ZHX2: variants seen among roughly 807,000 people sequenced by gnomAD.
The protein encoded by ZHX2 is zinc fingers and homeoboxes 2.
In ZHX2, 6 loss-of-function variants were observed where a neutral mutation model predicts 21.9. That is an observed-to-expected ratio of 0.27 (90% CI 0.15 to 0.54). ZHX2 has a LOEUF of 0.54. Among genes scored for constraint, ZHX2 ranks in the 20% least tolerant of loss-of-function variants. The pLI, the probability that ZHX2 is intolerant of heterozygous loss-of-function variation, is 0.95. For synonymous variants in ZHX2, 434 were observed against 437.1 expected (o/e 0.99, Z 0.09); for missense variants, 908 against 1,090.7 (o/e 0.83, Z 2.36).
chr8:122,948,037 A>G (rs1586413996), intron 2 of ZHX2, among the ~76,000 whole-genome samples: 1 of 151,994 alleles, frequency 6.6e-6, no homozygotes, highest in South Asian at 2.1e-4. Context: ...GATGAATTTG[A>G]CCAGCCTACA....
chr8:122,785,625 A>G (rs1427795945), intron 1 of ZHX2, among the ~76,000 whole-genome samples: 3 of 152,220 alleles, frequency 2.0e-5, no homozygotes, highest in African/African-American at 7.2e-5. Flanking sequence ...AGAGCAGTCA[A>G]GTATTTTTAG....
At position 122,918,101 on chromosome 8, in the gene ZHX2, C is replaced by G. The variant is rs530904058; in HGVS notation, c.-219-33191C>G. Among the ~76,000 whole-genome samples, 3 of 152,132 alleles carry G rather than the reference C, an allele frequency of 2.0e-5. No homozygotes were observed. The East Asian group carries it at 5.8e-4, about 29-fold the overall frequency. ...ATCTTTACTGAGCTCTCACTTTGACCCAGGCACCATTCTAAGTGCCTCTTA... is the reference window on the plus strand; with the variant it reads ...ATCTTTACTGAGCTCTCACTTTGACGCAGGCACCATTCTAAGTGCCTCTTA... On this transcript the variant is annotated intron_variant, in intron 2 of 3. Transcript: ENST00000314393.
At chr8:122,791,732 G>T (rs1817522502) in intron 1 of ZHX2, among the ~76,000 whole-genome samples, 1 of 152,194 alleles carries the variant, frequency 6.6e-6, no homozygotes, top group Admixed American at 6.5e-5. Flanking sequence ...GGGCGTGGTG[G>T]CACATGCCTC....
chr8:122,854,352 C>T (rs1317103924), intron 1 of ZHX2, among the ~76,000 whole-genome samples: 1 of 152,204 alleles, frequency 6.6e-6, no homozygotes, highest in Non-Finnish European at 1.5e-5. Context: ...GGGTTCCACC[C>T]AGTGGGAGCA....
intron 2 of ZHX2, among the ~76,000 whole-genome samples, chr8:122,911,963 C>T (rs1051354090): frequency 3.3e-5 from 5 of 152,094 alleles, no homozygotes; most frequent in Admixed American, 6.5e-5. Context: ...AGGGGACACA[C>T]GCGCTTGAGC....
intron 2 of ZHX2, among the ~76,000 whole-genome samples, chr8:122,932,996 T>G (rs1821031465): frequency 6.6e-6 from 1 of 152,154 alleles, no homozygotes; most frequent in African/African-American, 2.4e-5. Context: ...CTTCACCATT[T>G]ATCCAAGGCT....
At chr8:122,865,285 C>T (rs569371435) in intron 2 of ZHX2, among the ~76,000 whole-genome samples, 1 of 152,190 alleles carries the variant, frequency 6.6e-6, no homozygotes, top group South Asian at 2.1e-4. Context: ...CCCACCACCA[C>T]GCCCAGCTAA....
intron 2 of ZHX2, among the ~76,000 whole-genome samples, chr8:122,917,178 C>A (rs1820627161): frequency 6.6e-6 from 1 of 152,170 alleles, no homozygotes; most frequent in Non-Finnish European, 1.5e-5. Flanking sequence ...TCTCCACCTA[C>A]TGTGGCGTGG....
At chr8:122,844,766 T>A (rs565651492) in intron 1 of ZHX2, among the ~76,000 whole-genome samples, 1 of 152,300 alleles carries the variant, frequency 6.6e-6, no homozygotes, top group African/African-American at 2.4e-5. Flanking sequence ...ACACACACAC[T>A]TTTTGGTTTA....
At chr8:122,882,980 C>G (rs1401739547) in intron 2 of ZHX2, among the ~76,000 whole-genome samples, 2 of 151,792 alleles carry the variant, frequency 1.3e-5, no homozygotes, top group Non-Finnish European at 2.9e-5. Flanking sequence ...AGACTCTGTC[C>G]CCAAAAAACA....
intron 2 of ZHX2, among the ~76,000 whole-genome samples, chr8:122,874,241 A>G (rs912756305): frequency 6.6e-6 from 1 of 152,184 alleles, no homozygotes; most frequent in African/African-American, 2.4e-5. Context: ...GGGCACAGGC[A>G]TCTTTGGGGG....
intron 3 of ZHX2, among the ~76,000 whole-genome samples, chr8:122,969,860 A>G (rs1416309759): frequency 1.3e-5 from 2 of 152,194 alleles, no homozygotes; most frequent in African/African-American, 4.8e-5. Flanking sequence ...TTAAAGAGAG[A>G]CAGAAACAGA....
At chr8:122,800,509 G>T (rs1028979736) in intron 1 of ZHX2, among the ~76,000 whole-genome samples, 4 of 152,248 alleles carry the variant, frequency 2.6e-5, no homozygotes, top group Non-Finnish European at 5.9e-5. Flanking sequence ...CCCTTGTGCA[G>T]AGTAGGTGCT....
chr8:122,855,294 C>T (rs1383865529), intron 1 of ZHX2, among the ~76,000 whole-genome samples: 3 of 152,188 alleles, frequency 2.0e-5, no homozygotes, highest in Non-Finnish European at 4.4e-5. Context: ...AACATTTTTG[C>T]AATTCTACAT....
At chr8:122,872,673 T>C (rs1156550538) in intron 2 of ZHX2, among the ~76,000 whole-genome samples, 2 of 152,218 alleles carry the variant, frequency 1.3e-5, no homozygotes, top group African/African-American at 4.8e-5. Context: ...CTTAAGTTGG[T>C]ATTTGATTAT....
chr8:122,839,831 ATAAT>A (rs2130706104), intron 1 of ZHX2, among the ~76,000 whole-genome samples: 1 of 152,320 alleles, frequency 6.6e-6, no homozygotes, highest in East Asian at 1.9e-4. Context: ...TTGTTAATAG[ATAAT>A]TAATGTATGA....
At chr8:122,934,233 T>C (rs1478085489) in intron 2 of ZHX2, among the ~76,000 whole-genome samples, 1 of 152,192 alleles carries the variant, frequency 6.6e-6, no homozygotes, top group Non-Finnish European at 1.5e-5. Context: ...CAACTGGAAG[T>C]GTCGGATACA....
chr8:122,836,574 C>T (rs1328676928), intron 1 of ZHX2, among the ~76,000 whole-genome samples: 2 of 152,158 alleles, frequency 1.3e-5, no homozygotes, highest in Non-Finnish European at 2.9e-5. Flanking sequence ...CGGGCTGAGG[C>T]CTAAAATGGC....
At chr8:122,879,034 A>T (rs1288500808) in intron 2 of ZHX2, among the ~76,000 whole-genome samples, 1 of 152,056 alleles carries the variant, frequency 6.6e-6, no homozygotes, top group Non-Finnish European at 1.5e-5. Context: ...CCAGGGTTGG[A>T]TGTGTTGCTT....
Sources: allele counts gnomAD v4.1 joint callset (sites outside exome capture counted in the v4.1 genomes callset), GRCh38; gene constraint gnomAD v4.1.1; transcripts MANE v1.5; gene names NCBI Gene and HGNC (gene_info 2026-07-23, HGNC 2026-07-21).